USP34: variants seen among roughly 807,000 people sequenced by gnomAD.
USP34 encodes the protein ubiquitin carboxyl-terminal hydrolase 34.
In USP34, 70 loss-of-function variants were observed where a neutral mutation model predicts 460.3. The ratio of observed to expected loss-of-function variants is 0.15; its 90% CI spans 0.13 to 0.19. USP34 has a LOEUF of 0.19. Among genes scored for constraint, USP34 ranks in the 10% least tolerant of loss-of-function variants. The probability of loss-of-function intolerance (pLI) is 1.00; values close to 1 mark genes in which losing one functional copy is unlikely to be tolerated. For synonymous variants in USP34, 1,647 were observed against 1,405.3 expected, an observed-to-expected ratio of 1.17 and a Z score of -3.85; for missense variants, 3,985 against 4,236.2, an observed-to-expected ratio of 0.94 and a Z score of 1.65.
At chr2:61,217,699 T>C (rs1451453300) in intron 67 of USP34, among the ~76,000 whole-genome samples, 4 of 152,192 alleles carry the variant, frequency 2.6e-5, no homozygotes, top group African/African-American at 7.2e-5. Context: ...CTCACGCCTA[T>C]AATCCAGCAC....
At chr2:61,195,225 T>C (rs1454091681) in intron 75 of USP34, among the ~76,000 whole-genome samples, 1 of 151,642 alleles carries the variant, frequency 6.6e-6, no homozygotes, top group Non-Finnish European at 1.5e-5. Flanking sequence ...TCAAAAAGTT[T>C]TGTAGAAATG....
At chr2:61,356,515 CA>C in intron 10 of USP34, among the ~76,000 whole-genome samples, 1 of 150,492 alleles carries the variant, frequency 6.6e-6, no homozygotes, top group East Asian at 1.9e-4. Context: ...ACACACACTG[CA>C]ATACTATTCA....
intron 58 of USP34, among the ~76,000 whole-genome samples, 186 bp from the exon 59 acceptor site, chr2:61,229,819 A>G (rs1687839197): frequency 6.6e-6 from 1 of 152,236 alleles, no homozygotes; most frequent in East Asian, 1.9e-4. Flanking sequence ...CATTAAAAAA[A>G]TTCAGTTTTA....
chr2:61,352,737 C>G (rs1558544943), intron 10 of USP34, among the ~76,000 whole-genome samples: 1 of 148,974 alleles, frequency 6.7e-6, no homozygotes, highest in East Asian at 2.0e-4. Flanking sequence ...CCACAGTACA[C>G]AAAAAATATT....
chr2:61,310,167 C>G (rs1219303488), intron 27 of USP34, among the ~76,000 whole-genome samples: 2 of 152,148 alleles, frequency 1.3e-5, no homozygotes, highest in African/African-American at 4.8e-5. Context: ...TGGATTTTCA[C>G]TTTATTATTT....
In USP34 at chr2:61,294,071, C is replaced by A. The variant is rs138390433; in HGVS notation, c.4462-521G>T. Among the ~76,000 whole-genome samples the A allele has an allele frequency of 2.6e-4, 40 of 151,802 alleles. 1 individual carries two copies. The South Asian group carries it at 8.1e-3, about 31-fold the overall frequency. On this transcript the variant is annotated intron_variant, in intron 32 of 79. Transcript: ENST00000398571. Reference sequence around the variant, plus strand: ...AAAAAAATATACACTTGAGGCCAGGCGCGGTGGCTCACGCCTGTAATCCCA... The same window carrying A: ...AAAAAAATATACACTTGAGGCCAGGAGCGGTGGCTCACGCCTGTAATCCCA...
At chr2:61,243,166 G>C (rs1407021802) in intron 51 of USP34, among the ~76,000 whole-genome samples, 2 of 150,062 alleles carry the variant, frequency 1.3e-5, no homozygotes, top group Non-Finnish European at 3.0e-5. Flanking sequence ...ATTTTTTTGA[G>C]ACGGAGTTTT....
Position 61,189,072 on chromosome 2 carries a change from A to G in USP34, c.9874-3T>C, listed in dbSNP as rs749597720. 1 of 1,608,778 alleles carries G rather than the reference A, an allele frequency of 6.2e-7. No individual in the cohort carries two copies. The highest frequency in any genetic ancestry group is 2.2e-5 in the East Asian group (1 of 44,768). On this transcript the variant is annotated splice_polypyrimidine_tract_variant and splice_region_variant and intron_variant, in intron 78 of 79. Coordinates refer to ENST00000398571, the MANE Select transcript of USP34 (RefSeq NM_014709.4). ...AGCAAAGCGAGTGCCCTCAGGTCCT[A>G]CAAAAACCCAGATAGGAACATTTCA...
chr2:61,206,217 A>G (rs942964912), intron 71 of USP34, 93 bp from the exon 72 acceptor site: 23 of 1,051,668 alleles, frequency 2.2e-5, no homozygotes, highest in Non-Finnish European at 3.0e-5. Context: ...CTAATGCTAG[A>G]AATTCAGGTT....
At chr2:61,315,212 G>C (rs564004148) in intron 23 of USP34, among the ~76,000 whole-genome samples, 1 of 152,226 alleles carries the variant, frequency 6.6e-6, no homozygotes, top group South Asian at 2.1e-4. Context: ...TGACTACATA[G>C]TACGAAAATT....
chr2:61,434,096 G>C (rs988960852), intron 1 of USP34, among the ~76,000 whole-genome samples: 2 of 152,166 alleles, frequency 1.3e-5, no homozygotes, highest in Admixed American at 6.5e-5. Context: ...GCAAGCCAAA[G>C]AGCATGTGAT....
chr2:61,262,669 T>C (rs1002511081), intron 43 of USP34, among the ~76,000 whole-genome samples: 7 of 152,158 alleles, frequency 4.6e-5, no homozygotes, highest in African/African-American at 1.7e-4. Flanking sequence ...GTCTTCATGG[T>C]AGGATGATTT....
Position 61,347,852 on chromosome 2 carries a change from AT to A in USP34, c.2285+17del. 6.2e-7 allele frequency: 1 copy of A among 1,607,394 alleles called. No homozygotes were observed. The highest frequency in any genetic ancestry group is 8.5e-7 in the Non-Finnish European group (1 of 1,175,708). Reference sequence around the variant, plus strand: ...TAAAGGAAATATGAACTGAATATTTATTTTGAAGTAGGCTTACCCATCGTGG... The same window carrying A: ...TAAAGGAAATATGAACTGAATATTTATTTGAAGTAGGCTTACCCATCGTGG... On this transcript the variant is annotated intron_variant, in intron 15 of 79. Transcript: ENST00000398571.
chr2:61,388,334 A>G (rs1036855807), intron 5 of USP34, among the ~76,000 whole-genome samples: 2 of 152,082 alleles, frequency 1.3e-5, no homozygotes, highest in Non-Finnish European at 2.9e-5. Context: ...ATATGCAACT[A>G]GGGGAACTCT....
rs764971954 is a variant in USP34 at position 61,188,554 on chromosome 2, C to T, written c.10189G>A (p.Asp3397Asn). The change falls in exon 80 of 80, where the codon GAT becomes AAT. Residue 3397 changes from aspartate (D) to asparagine (N), a missense_variant. Transcript: ENST00000398571. ...GGAAGATCTTGCTCAGTTCCTGGAT[C>T]AATAATTGAGGAGTCTCTGGTCTCA... Reference protein sequence around the residue: ...DNETRDSSIIDPGTEQDLPSP... With the variant: ...DNETRDSSIINPGTEQDLPSP... 2.0e-5 allele frequency: 32 copies of T among 1,614,046 alleles called. No individual in the cohort carries two copies. The highest frequency in any genetic ancestry group is 3.4e-6 in the Non-Finnish European group (4 of 1,180,032).
intron 58 of USP34, among the ~76,000 whole-genome samples, chr2:61,231,036 T>C (rs1157846153): frequency 6.6e-6 from 1 of 152,164 alleles, no homozygotes; most frequent in East Asian, 1.9e-4. Context: ...ATGTGGACTA[T>C]ATACATTTGA....
rs780131018 is a variant in USP34 at position 61,187,840 on chromosome 2, A to G, written c.*262T>C. ...AACCCTGTTCTTCCCAGACAGCCATATTAAATGAAAGCCACTAAAGTGAAC... is the reference window on the plus strand; with the variant it reads ...AACCCTGTTCTTCCCAGACAGCCATGTTAAATGAAAGCCACTAAAGTGAAC... On this transcript the variant is annotated 3_prime_UTR_variant, in exon 80 of 80. Transcript: ENST00000398571. 119 of 1,206,176 alleles carry G rather than the reference A, an allele frequency of 9.9e-5. No individual in the cohort carries two copies. The highest frequency in any genetic ancestry group is 1.2e-4 in the Non-Finnish European group (115 of 938,386). 74.7% of individuals were successfully genotyped at this position (1,206,176 alleles called of 1,614,324 possible). A position where few individuals can be genotyped will look rare whatever the true frequency, so the allele number is the denominator to read the frequency against.
chr2:61,301,414 G>A lies in USP34; in HGVS notation c.3858C>T (p.His1286=), dbSNP rs765067227. 6 of 1,613,782 alleles carry A rather than the reference G, an allele frequency of 3.7e-6. No individual in the cohort carries two copies. In the East Asian group the frequency reaches 8.9e-5, roughly 24 times the overall value. ...TTTCATCATAATCTGTTGTTAACTC[G>A]TGTCCAGATGAAATCATCCTGACAG... The part of the protein sequence containing the change: ...MGPVRMISSG[H]ELTTDYDEKA... Residue 1286 remains histidine, a synonymous_variant, in exon 28 of 80, where the codon CAC becomes CAT. Coordinates refer to ENST00000398571, the MANE Select transcript of USP34 (RefSeq NM_014709.4).
At chr2:61,464,341 T>G (rs1695699952) in intron 1 of USP34, among the ~76,000 whole-genome samples, 1 of 151,210 alleles carries the variant, frequency 6.6e-6, no homozygotes, top group East Asian at 2.0e-4. Flanking sequence ...ACCAACAAAA[T>G]AAACACAACA....
Sources: allele counts gnomAD v4.1 joint callset (sites outside exome capture counted in the v4.1 genomes callset), GRCh38; gene constraint gnomAD v4.1.1; transcripts MANE v1.5; gene names NCBI Gene and HGNC (gene_info 2026-07-23, HGNC 2026-07-21).